The following PDE1A variants were observed in gnomAD, a reference collection of about 807,000 sequenced individuals.
The protein encoded by PDE1A is phosphodiesterase 1A.
Under a neutral mutation model 61.7 loss-of-function variants are expected in PDE1A, and 35 were observed. The ratio of observed to expected loss-of-function variants is 0.57; its 90% CI spans 0.43 to 0.75. The LOEUF is 0.75. Ranked by LOEUF, PDE1A falls within the 30% of genes least tolerant of loss-of-function variation. The pLI, the probability that PDE1A is intolerant of heterozygous loss-of-function variation, is 0.00. For synonymous variants in PDE1A, 232 were observed against 213.2 expected (o/e 1.09, Z -0.77); for missense variants, 597 against 630.6 (o/e 0.95, Z 0.57).
At chr2:182,695,528 G>A in the PDE1A span, among the ~76,000 whole-genome samples, 2 of 151,978 alleles carry the variant, frequency 1.3e-5, no homozygotes, top group South Asian at 4.1e-4. Context: ...TTAGCTGGGC[G>A]CGGTGGCTGG....
chr2:182,444,064 G>C (rs1684974899), intron 2 of PDE1A, among the ~76,000 whole-genome samples: 2 of 152,112 alleles, frequency 1.3e-5, no homozygotes, highest in African/African-American at 4.8e-5. Flanking sequence ...TATGAGAACA[G>C]CCTAATATAG....
intron 2 of PDE1A, among the ~76,000 whole-genome samples, chr2:182,245,947 C>A (rs1574134895): frequency 6.6e-6 from 1 of 152,284 alleles, no homozygotes; most frequent in Admixed American, 6.5e-5. Context: ...ACGAATGAGC[C>A]AGAGGCCAAG....
the PDE1A span, among the ~76,000 whole-genome samples, chr2:182,635,770 C>CT: frequency 3.3e-5 from 5 of 149,276 alleles, no homozygotes; most frequent in East Asian, 2.0e-4. Flanking sequence ...TTTTGGTTTT[C>CT]TTTTTCCAGC....
At chr2:182,642,606 G>A in the PDE1A span, among the ~76,000 whole-genome samples, 10 of 152,124 alleles carry the variant, frequency 6.6e-5, no homozygotes, top group Non-Finnish European at 1.5e-4. Flanking sequence ...AGGCCACACC[G>A]GTTGTTATGA....
At chr2:182,264,913 ATAC>A (rs1692521944) in intron 1 of PDE1A, among the ~76,000 whole-genome samples, 1 of 145,636 alleles carries the variant, frequency 6.9e-6, no homozygotes, top group Non-Finnish European at 1.5e-5. Flanking sequence ...ACACCATGGA[ATAC>A]TACTCAGCCA....
intron 3 of PDE1A, among the ~76,000 whole-genome samples, chr2:182,239,031 T>C (rs989662847): frequency 2.8e-4 from 43 of 152,226 alleles, no homozygotes; most frequent in African/African-American, 1.0e-3. Context: ...TAGATATTTT[T>C]AATTTGATGC....
intron 1 of PDE1A, among the ~76,000 whole-genome samples, chr2:182,382,430 A>G (rs1177065245): frequency 6.6e-6 from 1 of 152,230 alleles, no homozygotes; most frequent in Non-Finnish European, 1.5e-5. Flanking sequence ...CACAGCTATG[A>G]AAAGAAATGA....
chr2:182,610,625 C>A, the PDE1A span, among the ~76,000 whole-genome samples: 1 of 151,816 alleles, frequency 6.6e-6, no homozygotes, highest in African/African-American at 2.4e-5. Context: ...AGTTGAAAAT[C>A]TTTTATTTAA....
intron 1 of PDE1A, among the ~76,000 whole-genome samples, chr2:182,355,668 A>AT (rs1315820151): frequency 6.6e-5 from 10 of 152,014 alleles, no homozygotes; most frequent in Admixed American, 6.6e-5. Flanking sequence ...TTTCTAAAGC[A>AT]TTTTTTTCCT....
At chr2:182,537,415 G>A in the PDE1A span, among the ~76,000 whole-genome samples, 1 of 152,036 alleles carries the variant, frequency 6.6e-6, no homozygotes, top group Non-Finnish European at 1.5e-5. Context: ...ACCAAACACC[G>A]CATGTTCTCA....
At chr2:182,399,227 A>T in intron 1 of PDE1A, among the ~76,000 whole-genome samples, 1 of 152,080 alleles carries the variant, frequency 6.6e-6, no homozygotes, top group Middle Eastern at 3.4e-3. Context: ...AGTTTATTTT[A>T]AATTTATATG....
chr2:182,561,105 G>C, the PDE1A span, among the ~76,000 whole-genome samples: 5 of 145,832 alleles, frequency 3.4e-5, 1 homozygote, highest in African/African-American at 1.2e-4. Context: ...CATTGCTTTT[G>C]GTGTTTTAGA....
At chr2:182,307,210 C>T (rs947097100) in intron 1 of PDE1A, among the ~76,000 whole-genome samples, 1 of 152,122 alleles carries the variant, frequency 6.6e-6, no homozygotes, top group African/African-American at 2.4e-5. Context: ...CTCAACATTA[C>T]TGCTATGGTT....
At chr2:182,455,176 T>G (rs2125736268) in intron 2 of PDE1A, among the ~76,000 whole-genome samples, 1 of 152,196 alleles carries the variant, frequency 6.6e-6, no homozygotes, top group African/African-American at 2.4e-5. Context: ...TCACTGGCCA[T>G]CAGAGAAATG....
the PDE1A span, among the ~76,000 whole-genome samples, chr2:182,551,779 A>G: frequency 6.6e-6 from 1 of 152,220 alleles, no homozygotes; most frequent in Non-Finnish European, 1.5e-5. Context: ...ACAAGTGTCC[A>G]GGACATTAAG....
chr2:182,521,946 T>C (rs1690593223), intron 2 of PDE1A, among the ~76,000 whole-genome samples: 1 of 152,142 alleles, frequency 6.6e-6, no homozygotes, highest in African/African-American at 2.4e-5. Flanking sequence ...GAAATTTTAT[T>C]TGTGGCAGTA....
At chr2:182,626,792 C>CATATATATATACATATATATATACAT in the PDE1A span, among the ~76,000 whole-genome samples, 1 of 8,976 alleles carries the variant, frequency 1.1e-4, no homozygotes, top group Non-Finnish European at 2.0e-4. Context: ...CATATATATA[C>CATATATATATACATATATATATACAT]ATATATATAC....
chr2:182,673,956 A>C, the PDE1A span, among the ~76,000 whole-genome samples: 18 of 150,166 alleles, frequency 1.2e-4, no homozygotes, highest in African/African-American at 4.2e-4. Flanking sequence ...TGATTCTTAT[A>C]GAGTACTTAT....
intron 2 of PDE1A, among the ~76,000 whole-genome samples, chr2:182,517,929 G>A (rs984470085): frequency 1.3e-5 from 2 of 152,182 alleles, no homozygotes; most frequent in African/African-American, 4.8e-5. Context: ...GAAAACGGAG[G>A]AACAGTTGCC....
Sources: gnomAD v4.1 joint callset for allele counts (sites outside exome capture counted in the v4.1 genomes callset) on GRCh38, gnomAD v4.1.1 for gene constraint, MANE v1.5 for transcripts, NCBI Gene and HGNC (gene_info 2026-07-23, HGNC 2026-07-21) for gene names.